Variants in VCPIP1 observed in about 807,000 individuals in gnomAD.
VCPIP1 encodes the protein valosin containing protein interacting protein 1.
In VCPIP1, 8 loss-of-function variants were observed where a neutral mutation model predicts 85.0. That is an observed-to-expected ratio of 0.09 (90% CI 0.06 to 0.17). The LOEUF (loss-of-function observed/expected upper bound fraction) is 0.17, where lower values mean the gene tolerates loss of function less well. Among genes scored for constraint, VCPIP1 ranks in the 10% least tolerant of loss-of-function variants. The probability of loss-of-function intolerance (pLI) is 1.00; values close to 1 mark genes in which losing one functional copy is unlikely to be tolerated. For missense variants in VCPIP1, 1,070 were observed against 1,486.3 expected (o/e 0.72, Z 4.61); for synonymous variants, 543 against 544.5 (o/e 1.00, Z 0.04).
intron 2 of VCPIP1, among the ~76,000 whole-genome samples, chr8:66,644,388 A>T (rs1810974707): frequency 6.6e-6 from 1 of 152,230 alleles, no homozygotes. Flanking sequence ...ATTCAAAAAA[A>T]TCAATGTAAT....
chr8:66,651,937 T>TG (rs1811057549), intron 1 of VCPIP1, among the ~76,000 whole-genome samples: 1 of 149,160 alleles, frequency 6.7e-6, no homozygotes, highest in Admixed American at 6.7e-5. Context: ...CCCAGTACTT[T>TG]GGGGGTCTGT....
chr8:66,652,233 T>C (rs1811061304), intron 1 of VCPIP1, among the ~76,000 whole-genome samples: 1 of 152,138 alleles, frequency 6.6e-6, no homozygotes, highest in Non-Finnish European at 1.5e-5. Flanking sequence ...AATATTATGA[T>C]GAACAAAATA....
chr8:66,638,970 C>CTCTCTCTCTCTCTCTATATATATATATA, intron 2 of VCPIP1, among the ~76,000 whole-genome samples: 9 of 118,438 alleles, frequency 7.6e-5, no homozygotes, highest in African/African-American at 3.5e-4. Context: ...CTCTCTCTCT[C>CTCTCTCTCTCTCTCTATATATATATATA]TATATATATA....
chr8:66,638,970 C>CTCTCTCTATATATATATATATA, intron 2 of VCPIP1, among the ~76,000 whole-genome samples: 1 of 118,436 alleles, frequency 8.4e-6, no homozygotes, highest in African/African-American at 3.9e-5. Flanking sequence ...CTCTCTCTCT[C>CTCTCTCTATATATATATATATA]TATATATATA....
chr8:66,666,590 G>A lies in VCPIP1; in HGVS notation c.369C>T (p.Ser123=), dbSNP rs1359207609. 3.7e-6 allele frequency: 6 copies of A among 1,614,130 alleles called. No homozygotes were observed. The highest frequency in any genetic ancestry group is 1.7e-5 in the Admixed American group (1 of 60,008). Residue 123 remains serine (S), a synonymous_variant, in exon 1 of 3, where the codon TCC becomes TCT. Coordinates refer to ENST00000310421, the MANE Select transcript of VCPIP1 (RefSeq NM_025054.5). This position sits in a 1 kb window ranked among gnomAD's most constrained non-coding sequence, Gnocchi z 6.3. ...GCGACAACAATTTGCAGTGATAGTT[G>A]GAAAGGCCCATCACCTTTACCAGTT... is the stretch of plus-strand genomic sequence containing the variant. ...NTELVKVMGL[S]NYHCKLLSPI...
At chr8:66,658,339 A>G (rs75587723) in intron 1 of VCPIP1, among the ~76,000 whole-genome samples, 1 of 143,704 alleles carries the variant, frequency 7.0e-6, no homozygotes, top group African/African-American at 2.6e-5. Flanking sequence ...ATCTTGGGGA[A>G]AAAAAAAAAA....
chr8:66,658,475 C>A (rs762997693), intron 1 of VCPIP1, among the ~76,000 whole-genome samples: 1 of 150,988 alleles, frequency 6.6e-6, no homozygotes, highest in Non-Finnish European at 1.5e-5. Flanking sequence ...CAGTCCCAAG[C>A]GTGATTCTGG....
rs757811434 is a variant in VCPIP1 at position 66,628,981 on chromosome 8, ACCC to A, written c.*5517_*5519del. On this transcript the variant is annotated 3_prime_UTR_variant, in exon 3 of 3. Coordinates refer to ENST00000310421, the MANE Select transcript of VCPIP1 (RefSeq NM_025054.5). The stretch of plus-strand genomic sequence containing the variant: ...ATGGTCATAAATGTTTGAATGTACA[ACCC>A]CCCATTTTTTAGTCAATTATGTACA... 1 of 152,014 alleles carries A rather than the reference ACCC, an allele frequency of 6.6e-6. No homozygotes were observed. Among genetic ancestry groups the A allele is most frequent in the African/African-American group, 2.4e-5 (1 of 41,386 alleles). 9.4% of individuals were successfully genotyped at this position (152,014 alleles called of 1,614,324 possible).
Position 66,664,236 on chromosome 8 carries a change from A to C in VCPIP1, c.2710+13T>G. On this transcript the variant is annotated intron_variant, in intron 1 of 2. Transcript: ENST00000310421. ...ACAATTAAGATATACCATCAGAATT[A>C]AATTCATCTTACCCATTAATGTTGC... 1 of 1,534,350 alleles carries C rather than the reference A, an allele frequency of 6.5e-7. No individual in the cohort carries two copies. Among genetic ancestry groups the C allele is most frequent in the East Asian group, 2.3e-5 (1 of 43,964 alleles).
chr8:66,658,793 G>C (rs1195872377), intron 1 of VCPIP1, among the ~76,000 whole-genome samples: 2 of 151,910 alleles, frequency 1.3e-5, no homozygotes, highest in Admixed American at 1.3e-4. Context: ...GCCGATTCTG[G>C]AAAATTCTAA....
Position 66,633,304 on chromosome 8 carries a change from G to A in VCPIP1, c.*1197C>T, listed in dbSNP as rs1586619909. The A allele has an allele frequency of 6.6e-6, 1 of 152,452 alleles. No homozygotes were observed. Among genetic ancestry groups the A allele is most frequent in the African/African-American group, 2.4e-5 (1 of 41,396 alleles). 9.4% of individuals were successfully genotyped at this position (152,452 alleles called of 1,614,324 possible). A position where few individuals can be genotyped will look rare whatever the true frequency, so the allele number is the denominator to read the frequency against. ...CATTCAAATTCAACTTAATTTCAGT[G>A]AACAGAGAAGAATATGGGTTGAAAT... On this transcript the variant is annotated 3_prime_UTR_variant, in exon 3 of 3. Coordinates refer to ENST00000310421, the MANE Select transcript of VCPIP1 (RefSeq NM_025054.5).
rs34843305 is a variant in VCPIP1 at position 66,663,103 on chromosome 8, C to CA, written c.2710+1145dup. On this transcript the variant is annotated intron_variant, in intron 1 of 2. Coordinates refer to ENST00000310421, the MANE Select transcript of VCPIP1 (RefSeq NM_025054.5). ...CTGGAGACAGAGCAAGACTCCATCT[C>CA]AAAAAAAAAAGAAAAAAAAAAAAGA... Among the ~76,000 whole-genome samples the CA allele has an allele frequency of 6.0e-3, 759 of 127,044 alleles. 3 individuals carry two copies. Among genetic ancestry groups the CA allele is most frequent in the Middle Eastern group, 0.016 (4 of 250 alleles). The allele number at this position is 127,044 out of a possible 152,430, so 83.3% of individuals were successfully genotyped here.
rs757722367 is a variant in VCPIP1 at position 66,632,066 on chromosome 8, T to TAAAAA, written c.*2430_*2434dup. ...TTAGTTATAATGTTACCTCTAGGGC[T>TAAAAA]AAAAAAAAAAAAAAAAACAAATTTA... On this transcript the variant is annotated 3_prime_UTR_variant, in exon 3 of 3. Transcript: ENST00000310421. 1 of 104,464 alleles carries TAAAAA rather than the reference T, an allele frequency of 9.6e-6. No homozygotes were observed. Among genetic ancestry groups the TAAAAA allele is most frequent in the Non-Finnish European group, 2.1e-5 (1 of 48,760 alleles). 6.5% of individuals were successfully genotyped at this position (104,464 alleles called of 1,614,324 possible). A position where few individuals can be genotyped will look rare whatever the true frequency, so the allele number is the denominator to read the frequency against.
At chr8:66,638,970 C>CTCTCTCTCTCTA in intron 2 of VCPIP1, among the ~76,000 whole-genome samples, 2 of 118,424 alleles carry the variant, frequency 1.7e-5, no homozygotes, top group African/African-American at 7.8e-5. Flanking sequence ...CTCTCTCTCT[C>CTCTCTCTCTCTA]TATATATATA....
rs1810862135 is a variant in VCPIP1 at position 66,634,260 on chromosome 8, TGGA to T, written c.*238_*240del. ...AAGAACTTCCAATGAACCACATATA[TGGA>T]AGAAAGTCATCTCAGCAGATCTAAC... On this transcript the variant is annotated 3_prime_UTR_variant, in exon 3 of 3. Transcript: ENST00000310421. The T allele has an allele frequency of 2.7e-6, 1 of 365,700 alleles. No homozygotes were observed. Among genetic ancestry groups the T allele is most frequent in the South Asian group, 1.1e-4 (1 of 9,338 alleles). The allele number at this position is 365,700 out of a possible 1,614,324, so 22.7% of individuals were successfully genotyped here.
chr8:66,652,377 G>A (rs1465552369), intron 1 of VCPIP1, among the ~76,000 whole-genome samples: 2 of 152,124 alleles, frequency 1.3e-5, no homozygotes, highest in Non-Finnish European at 2.9e-5. Context: ...ACTTTGGGAG[G>A]CCCAGGCAGG....
At chr8:66,655,275 G>T (rs1282039307) in intron 1 of VCPIP1, among the ~76,000 whole-genome samples, 2 of 152,196 alleles carry the variant, frequency 1.3e-5, no homozygotes, top group Admixed American at 6.5e-5. Context: ...AACACTCATA[G>T]TATTGGTTGA....
chr8:66,663,236 AG>A (rs1811174980), intron 1 of VCPIP1, among the ~76,000 whole-genome samples: 1 of 152,174 alleles, frequency 6.6e-6, no homozygotes, highest in Non-Finnish European at 1.5e-5. Flanking sequence ...CAGGGTTTTT[AG>A]ATCCCCTATT....
At chr8:66,644,448 C>A (rs1226909887) in intron 2 of VCPIP1, among the ~76,000 whole-genome samples, 1 of 152,146 alleles carries the variant, frequency 6.6e-6, no homozygotes, top group East Asian at 1.9e-4. Context: ...CATCTTGATA[C>A]ATGTAGGAAA....
Sources: gnomAD v4.1 joint callset for allele counts (sites outside exome capture counted in the v4.1 genomes callset) on GRCh38, gnomAD v4.1.1 for gene constraint, Gnocchi (gnomAD v3.1) non-coding constraint, MANE v1.5 for transcripts, NCBI Gene and HGNC (gene_info 2026-07-23, HGNC 2026-07-21) for gene names.